Variants in GRIK3 observed in about 807,000 individuals in gnomAD.
GRIK3 encodes the protein glutamate receptor ionotropic, kainate 3.
Under a neutral mutation model 102.5 loss-of-function variants are expected in GRIK3, and 29 were observed. The ratio of observed to expected loss-of-function variants is 0.28; its 90% CI spans 0.21 to 0.39. GRIK3 has a LOEUF of 0.39. Ranked by LOEUF, GRIK3 falls within the 10% of genes least tolerant of loss-of-function variation. GRIK3 has a pLI of 1.00. For missense variants in GRIK3, 908 were observed against 1,252.4 expected, an observed-to-expected ratio of 0.73 and a Z score of 4.15; for synonymous variants, 511 against 504.9, an observed-to-expected ratio of 1.01 and a Z score of -0.16.
At position 36,869,788 on chromosome 1, in the gene GRIK3, C is replaced by T; in HGVS notation, c.746G>A (p.Gly249Asp). 2 of 1,612,766 alleles carry T rather than the reference C, an allele frequency of 1.2e-6. No individual in the cohort carries two copies. The highest frequency in any genetic ancestry group is 1.7e-6 in the Non-Finnish European group (2 of 1,178,744). ...GAAGTGGTAGTACTCAGTCATCATG[C>T]CCATGGCCATGGCCTGCAGAAAAGC... ...AQILKQAMAM[G>D]MMTEYYHFIF... Residue 249 changes from glycine (G) to aspartate (D), a missense_variant, in exon 5 of 16, where the codon GGC (glycine) becomes GAC (aspartate). By Grantham distance (94) the Gly-to-Asp change is moderately conservative. This residue lies in a region of GRIK3 where 585 missense variants were observed against 824.9 expected (regional missense o/e 0.71). Transcript: ENST00000373091.
intron 1 of GRIK3, among the ~76,000 whole-genome samples, chr1:36,896,318 G>A (rs1011870943): frequency 2.6e-5 from 4 of 152,118 alleles, no homozygotes; most frequent in Non-Finnish European, 5.9e-5. Flanking sequence ...ATCCACTTAT[G>A]TATGCTTATA....
chr1:36,814,509 ACC>A (rs376040990), intron 13 of GRIK3, among the ~76,000 whole-genome samples: 1,298 of 84,140 alleles, frequency 0.015, 32 homozygotes, highest in African/African-American at 0.052. Context: ...ACATACATAG[ACC>A]CCCCCCCCCC....
chr1:36,819,586 G>A lies in GRIK3; in HGVS notation c.1873+150C>T. On this transcript the variant is annotated intron_variant, in intron 12 of 15. Transcript: ENST00000373091. This position sits in a 1 kb window ranked among gnomAD's most constrained non-coding sequence, Gnocchi z 4.1. ...GGTCTGGGGCAAGGGCACACACCTG[G>A]GTATCTCGATGTCTCCAAACTTCTG... is the stretch of plus-strand genomic sequence containing the variant. 1 of 619,988 alleles carries A rather than the reference G, an allele frequency of 1.6e-6. No homozygotes were observed. Among genetic ancestry groups the A allele is most frequent in the Non-Finnish European group, 2.9e-6 (1 of 340,114 alleles). The allele number at this position is 619,988 out of a possible 1,614,324, so 38.4% of individuals were successfully genotyped here. A position where few individuals can be genotyped will look rare whatever the true frequency, so the allele number is the denominator to read the frequency against.
At chr1:36,902,316 C>T (rs948799825) in intron 1 of GRIK3, among the ~76,000 whole-genome samples, 2 of 152,186 alleles carry the variant, frequency 1.3e-5, no homozygotes, top group African/African-American at 4.8e-5. Context: ...ATCAACACGG[C>T]TCAACTTCAA....
chr1:36,919,930 T>C (rs951868099), intron 1 of GRIK3, among the ~76,000 whole-genome samples: 1 of 152,238 alleles, frequency 6.6e-6, no homozygotes, highest in African/African-American at 2.4e-5. Context: ...GCTCCATCCC[T>C]GCCATCAGCA....
At chr1:36,964,442 T>A (rs561965258) in intron 1 of GRIK3, among the ~76,000 whole-genome samples, 2 of 152,260 alleles carry the variant, frequency 1.3e-5, no homozygotes, top group African/African-American at 4.8e-5. Flanking sequence ...TCCTCACACA[T>A]GCAGCATCCA....
intron 1 of GRIK3, among the ~76,000 whole-genome samples, chr1:37,007,506 G>T (rs1439930230): frequency 1.3e-5 from 2 of 152,160 alleles, no homozygotes; most frequent in Non-Finnish European, 2.9e-5. Flanking sequence ...AGAGAAAGAG[G>T]ACGAAATGAA....
intron 1 of GRIK3, among the ~76,000 whole-genome samples, chr1:36,926,280 A>G (rs1469975256): frequency 1.3e-5 from 2 of 152,206 alleles, no homozygotes; most frequent in Non-Finnish European, 1.5e-5. Flanking sequence ...AGACAGGGGA[A>G]AGGCAATTGG....
chr1:36,849,990 GA>G (rs1640562965), intron 9 of GRIK3: 1 of 266,662 alleles, frequency 3.8e-6, no homozygotes, highest in Non-Finnish European at 7.2e-6. Context: ...ACTGGGGTGG[GA>G]GAGGCGAATC....
At position 36,897,944 on chromosome 1, in the gene GRIK3, T is replaced by C. The variant is rs149852993; in HGVS notation, c.116-6848A>G. Among the ~76,000 whole-genome samples the C allele has an allele frequency of 6.0e-3, 916 of 152,240 alleles. 9 individuals are homozygous for C. The highest frequency in any genetic ancestry group is 0.021 in the African/African-American group (889 of 41,552). ...AAGAAAATGTGGTGCTTATACACAA[T>C]GGAGTACTATTCAGCCATAAAAAGA... is the stretch of plus-strand genomic sequence containing the variant. On this transcript the variant is annotated intron_variant, in intron 1 of 15. Coordinates refer to ENST00000373091, the MANE Select transcript of GRIK3 (RefSeq NM_000831.4).
intron 1 of GRIK3, among the ~76,000 whole-genome samples, chr1:36,960,785 T>G (rs1337873929): frequency 6.6e-6 from 1 of 152,198 alleles, no homozygotes; most frequent in Non-Finnish European, 1.5e-5. Flanking sequence ...CTCTGCTGCC[T>G]GGTATATCAG....
In GRIK3 at chr1:36,853,707, A is replaced by G. The variant is rs1640611673; in HGVS notation, c.1120T>C (p.Leu374=). ...TTGTTGAAAACAATTCGTCCAGTTA[A>G]TCCTTCCCATTGAGCCTGCGGAGGG... is the stretch of plus-strand genomic sequence containing the variant. ...NFIKEAQWEG[L]TGRIVFNKTS... The change falls in exon 8 of 16, where the codon TTA becomes CTA. Residue 374 remains leucine, a synonymous_variant. Transcript: ENST00000373091. 1 of 1,611,206 alleles carries G rather than the reference A, an allele frequency of 6.2e-7. No individual in the cohort carries two copies. The highest frequency in any genetic ancestry group is 1.3e-5 in the African/African-American group (1 of 74,850).
At chr1:36,894,346 T>G (rs950287826) in intron 1 of GRIK3, among the ~76,000 whole-genome samples, 2 of 152,260 alleles carry the variant, frequency 1.3e-5, no homozygotes, top group African/African-American at 4.8e-5. Context: ...TCCTCTTTAT[T>G]GCTAAATAAT....
chr1:36,817,319 G>T, intron 12 of GRIK3, 42 bp from the exon 13 acceptor site: 1 of 1,330,520 alleles, frequency 7.5e-7, no homozygotes, highest in Non-Finnish European at 1.1e-6. Flanking sequence ...ACAACATCCA[G>T]ACTAGCGCTG....
intron 3 of GRIK3, among the ~76,000 whole-genome samples, chr1:36,874,507 A>G (rs1640890344): frequency 1.3e-5 from 2 of 152,146 alleles, no homozygotes; most frequent in South Asian, 4.2e-4. Flanking sequence ...GATGGGGAGG[A>G]GGAAGAGGCT....
intron 1 of GRIK3, among the ~76,000 whole-genome samples, chr1:36,936,792 G>A (rs1023606514): frequency 2.7e-5 from 4 of 147,654 alleles, no homozygotes; most frequent in African/African-American, 9.9e-5. Context: ...CGAACAAATG[G>A]AATGTCAGAC....
chr1:36,887,567 C>T (rs1641053816), intron 2 of GRIK3, among the ~76,000 whole-genome samples: 1 of 151,782 alleles, frequency 6.6e-6, no homozygotes, highest in African/African-American at 2.4e-5. Flanking sequence ...CCAGTCTGGC[C>T]AACATGATGA....
At chr1:36,986,268 A>G (rs1267269350) in intron 1 of GRIK3, among the ~76,000 whole-genome samples, 3 of 152,032 alleles carry the variant, frequency 2.0e-5, no homozygotes, top group Admixed American at 2.0e-4. Context: ...TCAACATCCA[A>G]CCAATGCATC....
At chr1:36,863,415 C>T (rs1640748908) in intron 5 of GRIK3, among the ~76,000 whole-genome samples, 1 of 152,184 alleles carries the variant, frequency 6.6e-6, no homozygotes, top group Non-Finnish European at 1.5e-5. Context: ...GAATATGGTA[C>T]AAATTCCTTA....
Sources: gnomAD v4.1 joint callset for allele counts (sites outside exome capture counted in the v4.1 genomes callset) on GRCh38, gnomAD v4.1.1 for gene constraint, gnomAD v4.1.1 regional missense constraint, Gnocchi (gnomAD v3.1) non-coding constraint, MANE v1.5 for transcripts, NCBI Gene and HGNC (gene_info 2026-07-23, HGNC 2026-07-21) for gene names.